INPP5D: variants seen among roughly 807,000 people sequenced by gnomAD.
The protein encoded by INPP5D is phosphatidylinositol 3,4,5-trisphosphate 5-phosphatase 1.
In INPP5D, 33 loss-of-function variants were observed where a neutral mutation model predicts 122.9. That is an observed-to-expected ratio of 0.27 (90% CI 0.20 to 0.36). The LOEUF is 0.36. Among genes scored for constraint, INPP5D ranks in the 10% least tolerant of loss-of-function variants. The pLI, the probability that INPP5D is intolerant of heterozygous loss-of-function variation, is 1.00. For missense variants in INPP5D, 1,053 were observed against 1,412.7 expected (o/e 0.75, Z 4.08); for synonymous variants, 584 against 576.2 (o/e 1.01, Z -0.19).
intron 2 of INPP5D, among the ~76,000 whole-genome samples, chr2:233,079,895 A>G (rs1691625942): frequency 6.6e-6 from 1 of 152,206 alleles, no homozygotes. Context: ...TTCACCAAGC[A>G]AAGTCAAAAT....
chr2:233,098,648 G>A (rs575172161), intron 2 of INPP5D, among the ~76,000 whole-genome samples: 1 of 152,226 alleles, frequency 6.6e-6, no homozygotes, highest in South Asian at 2.1e-4. Context: ...AACCCTCTGG[G>A]TTACTTCAGC....
In INPP5D at chr2:233,202,341, C is replaced by G. The variant is rs181723139; in HGVS notation, c.2976-1785C>G. 4.2e-3 allele frequency among the ~76,000 whole-genome samples: 639 copies of G among 152,170 alleles called. 7 individuals carry two copies. Among genetic ancestry groups the G allele is most frequent in the African/African-American group, 0.015 (615 of 41,424 alleles). On this transcript the variant is annotated intron_variant, in intron 25 of 26. Coordinates refer to ENST00000445964, the MANE Select transcript of INPP5D (RefSeq NM_001017915.3). Reference sequence around the variant, plus strand: ...AGAAGAGGGCTGAACATGGAGGGGGCCCTTTCCAAAGTCCTTGTTTGAGGC... The same window carrying G: ...AGAAGAGGGCTGAACATGGAGGGGGGCCTTTCCAAAGTCCTTGTTTGAGGC...
At chr2:233,127,242 T>C (rs890587282) in intron 4 of INPP5D, among the ~76,000 whole-genome samples, 13 of 152,346 alleles carry the variant, frequency 8.5e-5, no homozygotes, top group African/African-American at 2.4e-4. Flanking sequence ...CCCTGCTTTT[T>C]CTATCTTTGC....
chr2:233,136,165 G>A (rs762389795), intron 5 of INPP5D, among the ~76,000 whole-genome samples: 2 of 152,180 alleles, frequency 1.3e-5, no homozygotes, highest in African/African-American at 2.4e-5. Flanking sequence ...AGCTTTAAAA[G>A]TTCTGCTCTA....
intron 25 of INPP5D, among the ~76,000 whole-genome samples, 180 bp downstream of exon 25, chr2:233,198,556 CCTA>C (rs1285782132): frequency 3.3e-5 from 5 of 152,222 alleles, no homozygotes; most frequent in African/African-American, 1.2e-4. Flanking sequence ...TCTTCCATGT[CCTA>C]ACCTGTTAGT....
chr2:233,092,455 C>G (rs1692017931), intron 2 of INPP5D, among the ~76,000 whole-genome samples: 1 of 152,146 alleles, frequency 6.6e-6, no homozygotes, highest in African/African-American at 2.4e-5. Flanking sequence ...CCCAGTGGAA[C>G]CATGAGGGCT....
Position 233,078,617 on chromosome 2 carries a change from C to T in INPP5D, c.135-718C>T, listed in dbSNP as rs1276193593. Among the ~76,000 whole-genome samples, 2 of 152,192 alleles carry T rather than the reference C, an allele frequency of 1.3e-5. No homozygotes were observed. Among genetic ancestry groups the T allele is most frequent in the Non-Finnish European group, 2.9e-5 (2 of 68,032 alleles). On this transcript the variant is annotated intron_variant, in intron 1 of 26. Transcript: ENST00000445964. This position sits in a 1 kb window ranked among gnomAD's most constrained non-coding sequence, Gnocchi z 4.6. ...CTGGCTTTCCATTCACCATGGGCCG[C>T]TCTGCTTGGGCCCACTGGAGTCGTG...
In INPP5D at chr2:233,197,784, C is replaced by T. The variant is rs1405334550; in HGVS notation, c.2694-311C>T. Among the ~76,000 whole-genome samples, 2 of 152,176 alleles carry T rather than the reference C, an allele frequency of 1.3e-5. No individual in the cohort carries two copies. The highest frequency in any genetic ancestry group is 4.8e-5 in the African/African-American group (2 of 41,436). On this transcript the variant is annotated intron_variant, in intron 24 of 26. Coordinates refer to ENST00000445964, the MANE Select transcript of INPP5D (RefSeq NM_001017915.3). This position sits in a 1 kb window ranked among gnomAD's most constrained non-coding sequence, Gnocchi z 4.4. ...TCAGACTTCAGCACTACATCAATAC[C>T]GTGTCTCTGTGTCACTGAGCTTGTT...
chr2:233,162,260 G>A (rs902784018), intron 11 of INPP5D, among the ~76,000 whole-genome samples: 3 of 150,526 alleles, frequency 2.0e-5, no homozygotes, highest in African/African-American at 4.9e-5. Flanking sequence ...AGATAGGTAC[G>A]TAGACAAAGG....
At chr2:233,099,639 C>T (rs970957587) in intron 2 of INPP5D, among the ~76,000 whole-genome samples, 4 of 152,186 alleles carry the variant, frequency 2.6e-5, no homozygotes, top group African/African-American at 9.7e-5. Context: ...GTTCTGTTCA[C>T]CCAACCCATA....
intron 4 of INPP5D, among the ~76,000 whole-genome samples, chr2:233,127,070 C>A (rs1038209531): frequency 6.6e-6 from 1 of 152,192 alleles, no homozygotes; most frequent in African/African-American, 2.4e-5. Context: ...TACTAAGGCT[C>A]GTACACCTCC....
intron 9 of INPP5D, among the ~76,000 whole-genome samples, chr2:233,148,567 G>C (rs1693833490): frequency 6.6e-6 from 1 of 152,188 alleles, no homozygotes; most frequent in Non-Finnish European, 1.5e-5. Flanking sequence ...TCAGGAGGCA[G>C]GGGGGTAGGC....
chr2:233,131,451 C>A (rs548029306), intron 5 of INPP5D, among the ~76,000 whole-genome samples: 1 of 151,892 alleles, frequency 6.6e-6, no homozygotes. Flanking sequence ...AATACCAACA[C>A]TTTGGGAGGC....
At chr2:233,118,497 C>T (rs976847855) in intron 2 of INPP5D, among the ~76,000 whole-genome samples, 8 of 152,180 alleles carry the variant, frequency 5.3e-5, no homozygotes, top group South Asian at 2.1e-4. Context: ...GTGCTTTGAA[C>T]GTAAGTTCTC....
At chr2:233,139,967 C>T (rs1290197136) in intron 6 of INPP5D, 38 bp downstream of exon 6, 1 of 397,496 alleles carries the variant, frequency 2.5e-6, no homozygotes. Flanking sequence ...AGATTAATAC[C>T]CCAGGGAGGA....
At chr2:233,204,820 G>T in intron 26 of INPP5D, 103 bp downstream of exon 26, 1 of 1,388,152 alleles carries the variant, frequency 7.2e-7, no homozygotes, top group Non-Finnish European at 9.4e-7. Context: ...GTGTGTGCAC[G>T]CATGCATATG....
rs542944643 is a variant in INPP5D at position 233,198,178 on chromosome 2, C to A, written c.2777C>A (p.Pro926His). 41 of 1,613,588 alleles carry A rather than the reference C, an allele frequency of 2.5e-5. No homozygotes were observed. The South Asian group carries it at 4.5e-4, about 18-fold the overall frequency. ...GTGGGGCCCTTTGGGCCACCAATGC[C>A]CCTGCACGTGAAGCAGACCTTGTCC... ...MGVGPFGPPM[P>H]LHVKQTLSPD... Residue 926 changes from proline to histidine, a missense_variant, in exon 25 of 27, where the codon CCC (proline) becomes CAC (histidine). By Grantham distance (77) the Pro-to-His change is moderately conservative. Coordinates refer to ENST00000445964, the MANE Select transcript of INPP5D (RefSeq NM_001017915.3).
chr2:233,108,380 C>G (rs1459300647), intron 2 of INPP5D, among the ~76,000 whole-genome samples: 1 of 152,240 alleles, frequency 6.6e-6, no homozygotes, highest in African/African-American at 2.4e-5. Flanking sequence ...TGCTCAACCT[C>G]TCTAAGACTC....
rs181441988 is a variant in INPP5D at position 233,099,075 on chromosome 2, G to A, written c.198+19677G>A. On this transcript the variant is annotated intron_variant, in intron 2 of 26. Coordinates refer to ENST00000445964, the MANE Select transcript of INPP5D (RefSeq NM_001017915.3). ...AAGCAATTCTTCTGCCTCAGCCTCCGGAGTAGTTGGGATTATAAGTGTGCG... is the reference window on the plus strand; with the variant it reads ...AAGCAATTCTTCTGCCTCAGCCTCCAGAGTAGTTGGGATTATAAGTGTGCG... Among the ~76,000 whole-genome samples, 49 of 151,842 alleles carry A rather than the reference G, an allele frequency of 3.2e-4. No homozygotes were observed. In the East Asian group the frequency reaches 7.9e-3, roughly 25 times the overall value.
Sources: gnomAD v4.1 joint callset for allele counts (sites outside exome capture counted in the v4.1 genomes callset) on GRCh38, gnomAD v4.1.1 for gene constraint, Gnocchi (gnomAD v3.1) non-coding constraint, MANE v1.5 for transcripts, NCBI Gene and HGNC (gene_info 2026-07-23, HGNC 2026-07-21) for gene names.